PCMTD1: variants seen among roughly 807,000 people sequenced by gnomAD.
The protein encoded by PCMTD1 is protein-L-isoaspartate O-methyltransferase domain-containing protein 1.
A neutral mutation model predicts 37.6 loss-of-function variants in PCMTD1; 12 were observed. The ratio of observed to expected loss-of-function variants is 0.32; its 90% CI spans 0.20 to 0.52. PCMTD1 has a LOEUF of 0.52. Among genes scored for constraint, PCMTD1 ranks in the 20% least tolerant of loss-of-function variants. PCMTD1 has a pLI of 0.97. For synonymous variants in PCMTD1, 117 were observed against 135.8 expected, an observed-to-expected ratio of 0.86 and a Z score of 0.96; for missense variants, 235 against 421.3, an observed-to-expected ratio of 0.56 and a Z score of 3.87.
Position 51,866,210 on chromosome 8 carries a change from T to C in PCMTD1, c.-95-4964A>G, listed in dbSNP as rs115077516. Among the ~76,000 whole-genome samples the C allele has an allele frequency of 4.9e-3, 739 of 151,908 alleles. 6 individuals carry two copies. Among genetic ancestry groups the C allele is most frequent in the African/African-American group, 0.017 (710 of 41,456 alleles). On this transcript the variant is annotated intron_variant, in intron 1 of 5. Coordinates refer to ENST00000522514, the MANE Select transcript of PCMTD1 (RefSeq NM_052937.4). Reference sequence around the variant, plus strand: ...CATATTCATGGACTCACAGAAATAATAGTTAAAATGTCTGTACTACCAACA... The same window carrying C: ...CATATTCATGGACTCACAGAAATAACAGTTAAAATGTCTGTACTACCAACA...
intron 1 of PCMTD1, among the ~76,000 whole-genome samples, chr8:51,890,248 C>T (rs1011887273): frequency 4.6e-5 from 7 of 152,110 alleles, no homozygotes; most frequent in Admixed American, 2.6e-4. Context: ...CTATTAAAAA[C>T]GGTTTAGATG....
chr8:51,881,222 G>A (rs1334432481), intron 1 of PCMTD1, among the ~76,000 whole-genome samples: 1 of 149,708 alleles, frequency 6.7e-6, no homozygotes, highest in East Asian at 2.0e-4. Context: ...ATTGTGAAGT[G>A]TTACTTAAGA....
intron 2 of PCMTD1, among the ~76,000 whole-genome samples, chr8:51,847,279 G>GTCAACATATAAAATGAATTTCC (rs2038235978): frequency 3.3e-5 from 5 of 152,140 alleles, no homozygotes; most frequent in African/African-American, 9.7e-5. Context: ...AATTTCCATA[G>GTCAACATATAAAATGAATTTCC]ATGTCAACAT....
At chr8:51,825,410 T>G (rs1470984492) in intron 5 of PCMTD1, among the ~76,000 whole-genome samples, 1 of 65,950 alleles carries the variant, frequency 1.5e-5, no homozygotes, top group African/African-American at 2.6e-5. Flanking sequence ...ATAAGATATT[T>G]ATGGCCGGGC....
intron 1 of PCMTD1, among the ~76,000 whole-genome samples, chr8:51,868,715 C>CG (rs1563355051): frequency 6.6e-6 from 1 of 151,938 alleles, no homozygotes; most frequent in East Asian, 1.9e-4. Flanking sequence ...TAAACCACAC[C>CG]AAAGAGTTTC....
intron 2 of PCMTD1, among the ~76,000 whole-genome samples, chr8:51,850,461 A>G (rs1273992569): frequency 6.6e-6 from 1 of 152,172 alleles, no homozygotes; most frequent in African/African-American, 2.4e-5. Flanking sequence ...CCACAAACAG[A>G]TAAAATGGAA....
chr8:51,858,581 G>A (rs1465912359), intron 2 of PCMTD1, among the ~76,000 whole-genome samples: 7 of 152,138 alleles, frequency 4.6e-5, no homozygotes. Context: ...TAAAAACAGA[G>A]AGCAGGGTAA....
chr8:51,818,015 CT>C lies in PCMTD1; in HGVS notation c.*2335del, dbSNP rs2037784002. The C allele has an allele frequency of 2.2e-6, 1 of 449,036 alleles. No homozygotes were observed. The highest frequency in any genetic ancestry group is 4.5e-6 in the Non-Finnish European group (1 of 222,724). The allele number at this position is 449,036 out of a possible 1,614,324, so 27.8% of individuals were successfully genotyped here. A position where few individuals can be genotyped will look rare whatever the true frequency, so the allele number is the denominator to read the frequency against. On this transcript the variant is annotated 3_prime_UTR_variant, in exon 6 of 6. Coordinates refer to ENST00000522514, the MANE Select transcript of PCMTD1 (RefSeq NM_052937.4). The stretch of plus-strand genomic sequence containing the variant: ...CTATATTCCCCATCATTTTCACTTA[CT>C]TTTACTTAATCTTTATTTGCTACTT...
chr8:51,828,389 G>C (rs1394856424), intron 5 of PCMTD1, among the ~76,000 whole-genome samples: 1 of 152,148 alleles, frequency 6.6e-6, no homozygotes, highest in African/African-American at 2.4e-5. Flanking sequence ...CTACAGTATA[G>C]TCTACTATAA....
intron 3 of PCMTD1, among the ~76,000 whole-genome samples, chr8:51,843,673 T>A (rs914592795): frequency 6.6e-6 from 1 of 152,154 alleles, no homozygotes; most frequent in East Asian, 1.9e-4. Context: ...ATTTGTGTTG[T>A]GATTATTTAA....
At chr8:51,821,745 T>C (rs13250041) in intron 5 of PCMTD1, among the ~76,000 whole-genome samples, 1 of 150,628 alleles carries the variant, frequency 6.6e-6, no homozygotes, top group African/African-American at 2.4e-5. Flanking sequence ...GTTTTGTTTT[T>C]TTTTTTTTTT....
chr8:51,823,732 G>A (rs1371952973), intron 5 of PCMTD1, among the ~76,000 whole-genome samples: 1 of 152,090 alleles, frequency 6.6e-6, no homozygotes, highest in Non-Finnish European at 1.5e-5. Context: ...ACCTGGCAGA[G>A]ACACAACAAA....
chr8:51,890,038 A>AT (rs2129294994), intron 1 of PCMTD1, among the ~76,000 whole-genome samples: 1 of 151,508 alleles, frequency 6.6e-6, no homozygotes, highest in African/African-American at 2.4e-5. Flanking sequence ...CCTTTTTGTC[A>AT]TAAATAATGA....
intron 1 of PCMTD1, among the ~76,000 whole-genome samples, chr8:51,868,918 C>T (rs2038599479): frequency 6.6e-6 from 1 of 152,062 alleles, no homozygotes; most frequent in African/African-American, 2.4e-5. Context: ...GAACTATATA[C>T]TTCGTTTTTT....
intron 1 of PCMTD1, among the ~76,000 whole-genome samples, chr8:51,889,423 G>A (rs1037782983): frequency 1.3e-5 from 2 of 152,106 alleles, no homozygotes; most frequent in East Asian, 1.9e-4. Context: ...GATGGGAAAC[G>A]AAGGAAAGGG....
chr8:51,888,579 A>G (rs549269539), intron 1 of PCMTD1, among the ~76,000 whole-genome samples: 1 of 152,292 alleles, frequency 6.6e-6, no homozygotes, highest in East Asian at 1.9e-4. Context: ...TATGCATGAA[A>G]GTCTGAACTC....
chr8:51,899,057 C>T, upstream of PCMTD1: 1 of 1,504,880 alleles, frequency 6.6e-7, no homozygotes, highest in Non-Finnish European at 8.8e-7. Context: ...GGCCCGGACC[C>T]GCGACTGGAG....
chr8:51,827,112 C>CAA lies in PCMTD1; in HGVS notation c.706+4330_706+4331dup, dbSNP rs2129274174. 4 of 1,006,238 alleles carry CAA rather than the reference C, an allele frequency of 4.0e-6. No individual in the cohort carries two copies. In the African/African-American group the frequency reaches 5.2e-5, roughly 13 times the overall value. The allele number at this position is 1,006,238 out of a possible 1,614,324, so 62.3% of individuals were successfully genotyped here. On this transcript the variant is annotated intron_variant, in intron 5 of 5. Transcript: ENST00000522514. ...ATTTTAACTTACTTCTACACACCCA[C>CAA]AAAAACTTATTCTCCATACATCCTA...
At chr8:51,838,047 A>G (rs770620291) in intron 3 of PCMTD1, among the ~76,000 whole-genome samples, 15 of 152,200 alleles carry the variant, frequency 9.9e-5, no homozygotes, top group Non-Finnish European at 2.1e-4. Context: ...TGGGCCTCCC[A>G]AAATGCTAGA....
Sources: gnomAD v4.1 joint callset for allele counts (sites outside exome capture counted in the v4.1 genomes callset) on GRCh38, gnomAD v4.1.1 for gene constraint, MANE v1.5 for transcripts, NCBI Gene and HGNC (gene_info 2026-07-23, HGNC 2026-07-21) for gene names.